Variants in CEP83 observed in about 807,000 individuals in gnomAD.
The protein encoded by CEP83 is centrosomal protein 83.
A neutral mutation model predicts 101.9 loss-of-function variants in CEP83; 70 were observed. The ratio of observed to expected loss-of-function variants is 0.69; its 90% CI spans 0.57 to 0.84. CEP83 has a LOEUF of 0.84. CEP83 is among the 40% of genes least tolerant of loss of function. CEP83 has a pLI of 0.00. For synonymous variants in CEP83, 264 were observed against 267.9 expected (o/e 0.99, Z 0.14); for missense variants, 715 against 787.2 (o/e 0.91, Z 1.10).
In CEP83 at chr12:94,375,178, A is replaced by G. The variant is rs2061472063; in HGVS notation, c.933+708T>C. 2.6e-5 allele frequency among the ~76,000 whole-genome samples: 4 copies of G among 152,324 alleles called. No individual in the cohort carries two copies. The South Asian group carries it at 6.2e-4, about 24-fold the overall frequency. On this transcript the variant is annotated intron_variant, in intron 8 of 16. Coordinates refer to ENST00000397809, the MANE Select transcript of CEP83 (RefSeq NM_016122.3). ...GGAGAGACCAAAAAATAAAAACCAA[A>G]TAACTATATCAGATAGTATTAAGAG...
intron 11 of CEP83, among the ~76,000 whole-genome samples, chr12:94,353,130 C>T (rs186990846): frequency 3.4e-4 from 51 of 152,126 alleles, no homozygotes; most frequent in African/African-American, 1.1e-3. Context: ...AGAAAATCCC[C>T]GTGAGACAAA....
At chr12:94,288,478 G>C in the CEP83 span, among the ~76,000 whole-genome samples, 4 of 152,234 alleles carry the variant, frequency 2.6e-5, no homozygotes, top group African/African-American at 9.7e-5. Flanking sequence ...GAGCTGGCTA[G>C]TGGCCTGGAG....
intron 11 of CEP83, among the ~76,000 whole-genome samples, chr12:94,359,698 A>G (rs1367120889): frequency 6.6e-6 from 1 of 152,174 alleles, no homozygotes; most frequent in Non-Finnish European, 1.5e-5. Context: ...GAATTCTACC[A>G]AACTTTTAAA....
At chr12:94,389,546 G>A (rs1593629936) in intron 6 of CEP83, among the ~76,000 whole-genome samples, 1 of 152,222 alleles carries the variant, frequency 6.6e-6, no homozygotes, top group South Asian at 2.1e-4. Flanking sequence ...GCAGCTCCCA[G>A]TGTGATGGAC....
chr12:94,300,263 G>C, the CEP83 span, among the ~76,000 whole-genome samples: 2 of 152,180 alleles, frequency 1.3e-5, no homozygotes, highest in African/African-American at 2.4e-5. Flanking sequence ...GTATGTGTCA[G>C]GACTAGGTGA....
chr12:94,407,110 AAATT>A (rs1178119524), intron 4 of CEP83, among the ~76,000 whole-genome samples: 1 of 152,148 alleles, frequency 6.6e-6, no homozygotes, highest in Non-Finnish European at 1.5e-5. Context: ...TACTAAAAAT[AAATT>A]AATAAACAAC....
chr12:94,364,860 CA>C (rs1488832374), intron 11 of CEP83, among the ~76,000 whole-genome samples: 1 of 152,012 alleles, frequency 6.6e-6, no homozygotes, highest in Non-Finnish European at 1.5e-5. Context: ...TCACAGCATA[CA>C]AAAGAATACA....
chr12:94,304,159 G>GGGAAGCCA (rs531268381), downstream of CEP83: 120 of 713,718 alleles, frequency 1.7e-4, no homozygotes, highest in South Asian at 2.3e-3. Context: ...AGGCCAGAAA[G>GGGAAGCCA]GGAAGCCAGG....
intron 11 of CEP83, among the ~76,000 whole-genome samples, chr12:94,347,495 A>G (rs773604994): frequency 1.3e-4 from 20 of 152,214 alleles, no homozygotes; most frequent in Non-Finnish European, 2.6e-4. Flanking sequence ...GGAAAACAGT[A>G]TTTCTGTATG....
intron 15 of CEP83, among the ~76,000 whole-genome samples, chr12:94,311,474 G>T (rs548042139): frequency 2.6e-5 from 4 of 152,160 alleles, no homozygotes; most frequent in African/African-American, 9.7e-5. Context: ...CTGAAGTGGG[G>T]GGCAGTCTTG....
At chr12:94,451,596 C>A (rs1024006964) in intron 1 of CEP83, among the ~76,000 whole-genome samples, 5 of 150,960 alleles carry the variant, frequency 3.3e-5, no homozygotes, top group African/African-American at 7.3e-5. Flanking sequence ...ATTAAAATTA[C>A]AATGGGATAC....
intron 6 of CEP83, among the ~76,000 whole-genome samples, chr12:94,385,593 T>C (rs762306458): frequency 3.3e-5 from 5 of 152,230 alleles, no homozygotes; most frequent in Non-Finnish European, 7.3e-5. Flanking sequence ...GAAGAGATTA[T>C]AGAGAATTAA....
chr12:94,306,092 C>A (rs1014917863), downstream of CEP83: 1 of 152,004 alleles, frequency 6.6e-6, no homozygotes. Context: ...ACAAAAAAAT[C>A]ATTAATTCAT....
chr12:94,287,866 C>CAAA, the CEP83 span, among the ~76,000 whole-genome samples: 1 of 152,220 alleles, frequency 6.6e-6, no homozygotes, highest in Non-Finnish European at 1.5e-5. Context: ...TGTTCTAGGG[C>CAAA]TTTGACCAAC....
chr12:94,383,119 A>G (rs1252319040), intron 6 of CEP83, among the ~76,000 whole-genome samples: 2 of 152,004 alleles, frequency 1.3e-5, no homozygotes, highest in Non-Finnish European at 2.9e-5. Context: ...CTCTTTCTAT[A>G]TAAATCTGGT....
In CEP83 at chr12:94,446,436, G is replaced by A. The variant is rs374388111; in HGVS notation, c.-154-11109C>T. ...CAATAATGTTAAGTGACGGCCGGGC[G>A]TGGTGGCTCATGCCTGTAATCCCAG... On this transcript the variant is annotated intron_variant, in intron 1 of 16. Coordinates refer to ENST00000397809, the MANE Select transcript of CEP83 (RefSeq NM_016122.3). 3.8e-4 allele frequency among the ~76,000 whole-genome samples: 58 copies of A among 152,262 alleles called. No individual in the cohort carries two copies. In the South Asian group the frequency reaches 5.2e-3, roughly 14 times the overall value.
intron 11 of CEP83, among the ~76,000 whole-genome samples, chr12:94,346,332 C>T (rs1198087191): frequency 3.3e-5 from 5 of 151,760 alleles, no homozygotes; most frequent in African/African-American, 7.3e-5. Flanking sequence ...GGATTATAGG[C>T]GTGGGCCACC....
At chr12:94,372,924 T>C (rs1349843038) in intron 8 of CEP83, among the ~76,000 whole-genome samples, 1 of 152,220 alleles carries the variant, frequency 6.6e-6, no homozygotes, top group Non-Finnish European at 1.5e-5. Context: ...ATATGAACAC[T>C]GTTAATTTCC....
chr12:94,368,354 A>C (rs1214822628), intron 9 of CEP83, 153 bp from the exon 10 acceptor site: 1 of 599,022 alleles, frequency 1.7e-6, no homozygotes, highest in African/African-American at 1.9e-5. Flanking sequence ...TCATTAATAA[A>C]CACTCTTAAA....
Sources: gnomAD v4.1 joint callset for allele counts (sites outside exome capture counted in the v4.1 genomes callset) on GRCh38, gnomAD v4.1.1 for gene constraint, MANE v1.5 for transcripts, NCBI Gene and HGNC (gene_info 2026-07-23, HGNC 2026-07-21) for gene names.